The following MYRIP variants were observed in gnomAD, a reference collection of about 807,000 sequenced individuals.
MYRIP encodes rab effector MyRIP.
Under a neutral mutation model 98.0 loss-of-function variants are expected in MYRIP, and 49 were observed. The observed-to-expected ratio is 0.50, with a 90% CI of 0.40 to 0.63. MYRIP has a LOEUF of 0.63. Ranked by LOEUF, MYRIP falls within the 30% of genes least tolerant of loss-of-function variation. The probability of loss-of-function intolerance (pLI) is 0.00; values close to 1 mark genes in which losing one functional copy is unlikely to be tolerated. For synonymous variants in MYRIP, 404 were observed against 409.5 expected, an observed-to-expected ratio of 0.99 and a Z score of 0.16; for missense variants, 1,004 against 1,058.2, an observed-to-expected ratio of 0.95 and a Z score of 0.71.
chr3:39,854,359 T>A (rs1015968138), intron 1 of MYRIP, among the ~76,000 whole-genome samples: 1 of 152,098 alleles, frequency 6.6e-6, no homozygotes, highest in Non-Finnish European at 1.5e-5. Context: ...TTTTTCTTTG[T>A]GTTTGTCTGA....
chr3:40,219,323 A>T (rs1952248974), intron 11 of MYRIP, among the ~76,000 whole-genome samples: 1 of 152,166 alleles, frequency 6.6e-6, no homozygotes, highest in African/African-American at 2.4e-5. Flanking sequence ...TGTTTGTTTT[A>T]TTTTATTTTT....
intron 4 of MYRIP, among the ~76,000 whole-genome samples, chr3:40,151,767 A>G (rs1559422863): frequency 6.6e-6 from 1 of 152,216 alleles, no homozygotes; most frequent in East Asian, 1.9e-4. Context: ...AGCCAGTAGA[A>G]AAGAATGGTA....
chr3:40,256,432 TAAAGA>T (rs1953591268), intron 16 of MYRIP, among the ~76,000 whole-genome samples: 1 of 152,090 alleles, frequency 6.6e-6, no homozygotes, highest in South Asian at 2.1e-4. Flanking sequence ...TGTTCCTTGT[TAAAGA>T]AAATTCCCGA....
chr3:39,840,011 A>G (rs1941749578), intron 1 of MYRIP, among the ~76,000 whole-genome samples: 1 of 152,184 alleles, frequency 6.6e-6, no homozygotes, highest in Non-Finnish European at 1.5e-5. Flanking sequence ...GCTGAGTTCA[A>G]GTCCCAAATA....
At chr3:40,212,972 G>T (rs1952007471) in intron 11 of MYRIP, among the ~76,000 whole-genome samples, 1 of 152,096 alleles carries the variant, frequency 6.6e-6, no homozygotes, top group South Asian at 2.1e-4. Context: ...CATGCAGTTT[G>T]CAAACTCTGT....
At chr3:39,872,706 A>G (rs1942841835) in intron 1 of MYRIP, among the ~76,000 whole-genome samples, 1 of 152,012 alleles carries the variant, frequency 6.6e-6, no homozygotes, top group African/African-American at 2.4e-5. Context: ...CATGGTGTAT[A>G]TGTGCCACAT....
rs1455899892 is a variant in MYRIP at position 39,946,320 on chromosome 3, G to A, written c.110+45394G>A. Among the ~76,000 whole-genome samples, 5 of 152,068 alleles carry A rather than the reference G, an allele frequency of 3.3e-5. No homozygotes were observed. In the East Asian group the frequency reaches 9.6e-4, roughly 29 times the overall value. On this transcript the variant is annotated intron_variant, in intron 2 of 16. Transcript: ENST00000302541. ...TGTGGTGGGCAGAATGTTACAATGG[G>A]CCTGAGGTTCTACCCTATCCAACCC...
At chr3:40,252,492 C>T (rs1953407204) in intron 16 of MYRIP, among the ~76,000 whole-genome samples, 1 of 152,158 alleles carries the variant, frequency 6.6e-6, no homozygotes, top group Admixed American at 6.5e-5. Flanking sequence ...GAAATTTTTA[C>T]CCTGGCACAA....
In MYRIP at chr3:40,019,755, GT is replaced by G. The variant is rs370631440; in HGVS notation, c.111-24285del. On this transcript the variant is annotated intron_variant, in intron 2 of 16. Coordinates refer to ENST00000302541, the MANE Select transcript of MYRIP (RefSeq NM_015460.4). Reference sequence around the variant, plus strand: ...TTTTGTTAGACAACACATAAAATGTGTTTTTTTTTTAAGTGTGAATTACCAT... The same window carrying G: ...TTTTGTTAGACAACACATAAAATGTGTTTTTTTTTAAGTGTGAATTACCAT... 3.4e-3 allele frequency among the ~76,000 whole-genome samples: 478 copies of G among 141,648 alleles called. 5 individuals are homozygous for G. The highest frequency in any genetic ancestry group is 0.011 in the African/African-American group (445 of 39,048). 92.9% of individuals were successfully genotyped at this position (141,648 alleles called of 152,430 possible). A position where few individuals can be genotyped will look rare whatever the true frequency, so the allele number is the denominator to read the frequency against.
chr3:40,057,570 C>T (rs553467382), intron 3 of MYRIP, among the ~76,000 whole-genome samples: 1 of 152,230 alleles, frequency 6.6e-6, no homozygotes, highest in East Asian at 1.9e-4. Context: ...CTCAGAGGCC[C>T]CAGTGGCTTC....
intron 3 of MYRIP, among the ~76,000 whole-genome samples, chr3:40,145,561 G>A (rs1388976817): frequency 1.1e-4 from 16 of 152,170 alleles, no homozygotes; most frequent in Admixed American, 1.0e-3. Flanking sequence ...TCTTTCAGGG[G>A]TTTCTCTTTA....
intron 2 of MYRIP, among the ~76,000 whole-genome samples, chr3:40,023,445 G>A (rs979227882): frequency 6.6e-6 from 1 of 152,060 alleles, no homozygotes; most frequent in Admixed American, 6.6e-5. Flanking sequence ...CCAGACTTAG[G>A]GTTGGAAGAG....
chr3:40,077,302 G>C (rs954037316), intron 3 of MYRIP, among the ~76,000 whole-genome samples: 8 of 152,088 alleles, frequency 5.3e-5, no homozygotes, highest in African/African-American at 1.7e-4. Flanking sequence ...CTGCTGGCTC[G>C]GGCAGCCTGC....
intron 10 of MYRIP, among the ~76,000 whole-genome samples, chr3:40,202,253 A>C (rs1262262398): frequency 2.0e-5 from 3 of 152,088 alleles, no homozygotes; most frequent in Non-Finnish European, 4.4e-5. Context: ...ACTCTTTTTT[A>C]AAAGGTGGAG....
intron 1 of MYRIP, among the ~76,000 whole-genome samples, chr3:39,875,265 AT>A (rs1942951448): frequency 6.6e-6 from 1 of 151,866 alleles, no homozygotes; most frequent in African/African-American, 2.4e-5. Flanking sequence ...TGGTCTATCA[AT>A]TTTGTTGATC....
At chr3:39,933,267 C>T (rs1057499398) in intron 2 of MYRIP, among the ~76,000 whole-genome samples, 4 of 152,094 alleles carry the variant, frequency 2.6e-5, no homozygotes, top group Non-Finnish European at 5.9e-5. Context: ...TATGTTTTAT[C>T]TATGGCTGCT....
intron 1 of MYRIP, among the ~76,000 whole-genome samples, chr3:39,830,623 C>T (rs1302451291): frequency 6.6e-6 from 1 of 152,148 alleles, no homozygotes; most frequent in African/African-American, 2.4e-5. Context: ...TCGCTCCACT[C>T]CCTAGCCCTG....
intron 3 of MYRIP, among the ~76,000 whole-genome samples, chr3:40,095,138 C>G (rs1948802256): frequency 6.6e-6 from 1 of 152,094 alleles, no homozygotes; most frequent in South Asian, 2.1e-4. Flanking sequence ...CAGGGGGACA[C>G]TTTTACCAGG....
At chr3:40,204,230 T>TAAATATTATATA in intron 10 of MYRIP, among the ~76,000 whole-genome samples, 1 of 21,024 alleles carries the variant, frequency 4.8e-5, no homozygotes, top group Non-Finnish European at 1.1e-4. Flanking sequence ...TATAAATATA[T>TAAATATTATATA]ATATATTTTT....
Sources: gnomAD v4.1 joint callset for allele counts (sites outside exome capture counted in the v4.1 genomes callset) on GRCh38, gnomAD v4.1.1 for gene constraint, MANE v1.5 for transcripts, NCBI Gene and HGNC (gene_info 2026-07-23, HGNC 2026-07-21) for gene names.